The following CYP2C8 variants were observed in gnomAD, a reference collection of about 807,000 sequenced individuals.
The protein encoded by CYP2C8 is cytochrome P450 2C8.
A neutral mutation model predicts 41.3 loss-of-function variants in CYP2C8; 51 were observed. The observed-to-expected ratio is 1.24, with a 90% CI of 0.99 to 1.56. The LOEUF is 1.56. Among genes scored for constraint, CYP2C8 ranks in the 40% most tolerant of loss-of-function variants. The pLI is 0.00. For missense variants in CYP2C8, 651 were observed against 579.9 expected (o/e 1.12, Z -1.26); for synonymous variants, 218 against 205.8 (o/e 1.06, Z -0.51).
intron 5 of CYP2C8, among the ~76,000 whole-genome samples, chr10:95,048,499 G>A (rs765353480): frequency 6.6e-6 from 1 of 152,196 alleles, no homozygotes; most frequent in Non-Finnish European, 1.5e-5. Context: ...TAGGTTTAGT[G>A]TGGTAATTTT....
chr10:95,058,222 T>G, intron 5 of CYP2C8, 113 bp downstream of exon 5: 1 of 1,468,188 alleles, frequency 6.8e-7, no homozygotes. Context: ...TTAAGATGCT[T>G]GTCAAGCATT....
At chr10:95,051,217 T>C (rs2033209792) in intron 5 of CYP2C8, among the ~76,000 whole-genome samples, 1 of 152,232 alleles carries the variant, frequency 6.6e-6, no homozygotes, top group Middle Eastern at 3.4e-3. Context: ...GAAGAATGCA[T>C]TGGAGTCTTT....
rs397840174 is a variant in CYP2C8, at chr10:95,067,369, A to AG, written c.332-13dup. 3.1e-6 allele frequency: 5 copies of AG among 1,613,792 alleles called. No individual in the cohort carries two copies. The highest frequency in any genetic ancestry group is 3.4e-6 in the Non-Finnish European group (4 of 1,179,984). On this transcript the variant is annotated splice_polypyrimidine_tract_variant and intron_variant, in intron 2 of 8. Transcript: ENST00000371270. Reference sequence around the variant, plus strand: ...GCTGGAAATGATTCCTAATAAAAAAAGGGGCAGAAACTGGGAGAATTCACA... The same window carrying AG: ...GCTGGAAATGATTCCTAATAAAAAAAGGGGGCAGAAACTGGGAGAATTCACA...
In CYP2C8 at chr10:95,062,277, G is replaced by T. The variant is rs538309283; in HGVS notation, c.642+2523C>A. ...CCATTATTGTTGTGTGGGAGTCTAA[G>T]TCTCTTTATAGGTCTCTAAGGACTT... On this transcript the variant is annotated intron_variant, in intron 4 of 8. Transcript: ENST00000371270. 4.3e-4 allele frequency among the ~76,000 whole-genome samples: 66 copies of T among 152,288 alleles called. 1 individual carries two copies. The highest frequency in any genetic ancestry group is 1.5e-3 in the African/African-American group (63 of 41,544).
At chr10:95,068,289 A>G (rs764362361) in intron 1 of CYP2C8, among the ~76,000 whole-genome samples, 3 of 152,234 alleles carry the variant, frequency 2.0e-5, no homozygotes, top group Non-Finnish European at 4.4e-5. Context: ...ATGAAGCACC[A>G]CAAAGTTAGA....
chr10:95,040,061 T>C (rs1170895329), intron 7 of CYP2C8, among the ~76,000 whole-genome samples: 1 of 152,210 alleles, frequency 6.6e-6, no homozygotes, highest in Non-Finnish European at 1.5e-5. Flanking sequence ...ATGAACTATA[T>C]GCTTGTTCCT....
intron 4 of CYP2C8, among the ~76,000 whole-genome samples, chr10:95,063,271 T>A (rs2134435999): frequency 6.6e-6 from 1 of 152,368 alleles, no homozygotes; most frequent in East Asian, 1.9e-4. Context: ...CACTTTCAGA[T>A]ACACCAATCA....
intron 1 of CYP2C8, among the ~76,000 whole-genome samples, chr10:95,068,239 C>T (rs368186688): frequency 8.6e-5 from 13 of 151,284 alleles, no homozygotes; most frequent in African/African-American, 3.2e-4. Context: ...TTCTAATGCC[C>T]AGTCCAGTTT....
chr10:95,051,977 A>T (rs1564737150), intron 5 of CYP2C8, among the ~76,000 whole-genome samples: 1 of 151,386 alleles, frequency 6.6e-6, no homozygotes, highest in Non-Finnish European at 1.5e-5. Flanking sequence ...TCAGAGCAGA[A>T]ATAAATTGAA....
At chr10:95,038,831 A>T (rs1014116394) in intron 8 of CYP2C8, 66 bp downstream of exon 8, 15 of 1,518,412 alleles carry the variant, frequency 9.9e-6, no homozygotes, top group Non-Finnish European at 1.4e-5. Context: ...GTGCCATGTA[A>T]ATTCCAACTA....
chr10:95,047,286 C>A lies in CYP2C8; in HGVS notation c.820-1335G>T, dbSNP rs185052629. Among the ~76,000 whole-genome samples the A allele has an allele frequency of 1.6e-3, 240 of 152,208 alleles. 1 individual carries two copies. The highest frequency in any genetic ancestry group is 5.6e-3 in the African/African-American group (233 of 41,538). On this transcript the variant is annotated intron_variant, in intron 5 of 8. Coordinates refer to ENST00000371270, the MANE Select transcript of CYP2C8 (RefSeq NM_000770.3). ...AAATGCAAGAACAGCCTAACACATT[C>A]ATTTTTATGATTTTTTTATTATTTG...
At chr10:95,050,307 G>C (rs1399521849) in intron 5 of CYP2C8, among the ~76,000 whole-genome samples, 1 of 152,090 alleles carries the variant, frequency 6.6e-6, no homozygotes, top group Non-Finnish European at 1.5e-5. Context: ...CTGGCTTCTG[G>C]GTGGTACCTC....
intron 4 of CYP2C8, among the ~76,000 whole-genome samples, chr10:95,063,111 T>A (rs2033475316): frequency 6.6e-6 from 1 of 152,164 alleles, no homozygotes; most frequent in Non-Finnish European, 1.5e-5. Flanking sequence ...CTGACAATTA[T>A]GTGTCTTGGA....
In CYP2C8 at chr10:95,067,647, C is replaced by G. The variant is rs747809923; in HGVS notation, c.213G>C (p.Met71Ile). 5.8e-5 allele frequency: 93 copies of G among 1,614,054 alleles called. No homozygotes were observed. The highest frequency in any genetic ancestry group is 7.4e-5 in the Non-Finnish European group (87 of 1,180,046). ...ATCCATGAAACACCACTATGGGATT[C>G]ATGCCAAAATACACGGTGAACACAG... is the stretch of plus-strand genomic sequence containing the variant. ...YGPVFTVYFG[M>I]NPIVVFHGYE... is the part of the protein sequence containing the mutation. Residue 71 changes from methionine to isoleucine, a missense_variant, in exon 2 of 9, where the codon ATG (methionine) becomes ATC (isoleucine). Met to Ile is a conservative substitution (Grantham distance 10). Coordinates refer to ENST00000371270, the MANE Select transcript of CYP2C8 (RefSeq NM_000770.3).
At chr10:95,047,296 A>AT (rs911139943) in intron 5 of CYP2C8, among the ~76,000 whole-genome samples, 15 of 152,108 alleles carry the variant, frequency 9.9e-5, no homozygotes, top group East Asian at 1.9e-4. Context: ...CATTTTTATG[A>AT]TTTTTTTATT....
At chr10:95,063,278 A>G (rs181042317) in intron 4 of CYP2C8, among the ~76,000 whole-genome samples, 29 of 152,328 alleles carry the variant, frequency 1.9e-4, no homozygotes, top group African/African-American at 5.8e-4. Context: ...AGATACACCA[A>G]TCAGACGTAG....
rs11572102 is a variant in CYP2C8, at chr10:95,058,424, T to C, written c.730A>G (p.Ile244Val). Residue 244 changes from isoleucine to valine, a missense_variant, in exon 5 of 9, where the codon ATT (isoleucine) becomes GTT (valine). Physicochemically the swap from Ile to Val is conservative, Grantham distance 29. Transcript: ENST00000371270. ...TGGTGTTCTTTTACTTTCTCCCTAATGTAACTTCGTGTAAGAGCAACATTT... is the reference window on the plus strand; with the variant it reads ...TGGTGTTCTTTTACTTTCTCCCTAACGTAACTTCGTGTAAGAGCAACATTT... Reference protein sequence around the residue: ...LKNVALTRSYIREKVKEHQAS... With the variant: ...LKNVALTRSYVREKVKEHQAS... 5.9e-4 allele frequency: 953 copies of C among 1,613,508 alleles called. 3 individuals are homozygous for C. The African/African-American group carries it at 0.011, about 18-fold the overall frequency.
At chr10:95,064,250 G>C (rs2033506692) in intron 4 of CYP2C8, among the ~76,000 whole-genome samples, 1 of 152,174 alleles carries the variant, frequency 6.6e-6, no homozygotes, top group Admixed American at 6.5e-5. Flanking sequence ...AGGCAGGCAG[G>C]CCTCCTTGAG....
chr10:95,058,259 A>T (rs1434032754), intron 5 of CYP2C8, 76 bp downstream of exon 5: 1 of 1,581,222 alleles, frequency 6.3e-7, no homozygotes, highest in African/African-American at 1.3e-5. Context: ...AAACATCCTT[A>T]GTAAATTACA....
Sources: allele counts gnomAD v4.1 joint callset (sites outside exome capture counted in the v4.1 genomes callset), GRCh38; gene constraint gnomAD v4.1.1; transcripts MANE v1.5; gene names NCBI Gene and HGNC (gene_info 2026-07-23, HGNC 2026-07-21).